PSMA1: variants seen among roughly 807,000 people sequenced by gnomAD.
PSMA1 encodes proteasome subunit alpha type-1.
In PSMA1, 3 loss-of-function variants were observed where a neutral mutation model predicts 38.4. That is an observed-to-expected ratio of 0.08 (90% CI 0.04 to 0.20). The LOEUF (loss-of-function observed/expected upper bound fraction) is 0.20, where lower values mean the gene tolerates loss of function less well. Ranked by LOEUF, PSMA1 falls within the 10% of genes least tolerant of loss-of-function variation. PSMA1 has a pLI of 1.00. For missense variants in PSMA1, 227 were observed against 325.3 expected, an observed-to-expected ratio of 0.70 and a Z score of 2.32; for synonymous variants, 101 against 107.1, an observed-to-expected ratio of 0.94 and a Z score of 0.35.
intron 1 of PSMA1, among the ~76,000 whole-genome samples, chr11:14,618,340 C>T (rs1852801346): frequency 6.6e-6 from 1 of 152,212 alleles, no homozygotes; most frequent in Admixed American, 6.5e-5. Context: ...GTTTGAACCA[C>T]AGTAGCCTGT....
chr11:14,604,911 A>T (rs763504336), intron 2 of PSMA1, among the ~76,000 whole-genome samples: 1 of 152,202 alleles, frequency 6.6e-6, no homozygotes, highest in Non-Finnish European at 1.5e-5. Flanking sequence ...GTAGTATTCC[A>T]TGGGTTATTA....
chr11:14,613,362 AT>A (rs1324295664), intron 1 of PSMA1, among the ~76,000 whole-genome samples: 6 of 148,002 alleles, frequency 4.1e-5, no homozygotes, highest in African/African-American at 1.5e-4. Flanking sequence ...AGTGATTCTC[AT>A]GTCTCAGATT....
intron 2 of PSMA1, among the ~76,000 whole-genome samples, chr11:14,580,652 G>A (rs148796461): frequency 6.6e-6 from 1 of 152,266 alleles, no homozygotes; most frequent in East Asian, 1.9e-4. Context: ...AAAATGAAAG[G>A]ATCAGATCAT....
intron 1 of PSMA1, among the ~76,000 whole-genome samples, chr11:14,615,806 T>G (rs1483174607): frequency 6.6e-6 from 1 of 152,206 alleles, no homozygotes; most frequent in Non-Finnish European, 1.5e-5. Context: ...CCTGTTTGTT[T>G]CCCTCATTGA....
At chr11:14,627,185 T>G (rs1852921922) in intron 1 of PSMA1, among the ~76,000 whole-genome samples, 1 of 152,204 alleles carries the variant, frequency 6.6e-6, no homozygotes, top group Non-Finnish European at 1.5e-5. Context: ...ACAGACACAC[T>G]GGGGTTAGGG....
chr11:14,561,094 A>C (rs1420246073), intron 2 of PSMA1, among the ~76,000 whole-genome samples: 3 of 152,232 alleles, frequency 2.0e-5, no homozygotes, highest in Non-Finnish European at 4.4e-5. Flanking sequence ...TGCTTAGAAA[A>C]GGAGAAACTA....
upstream of PSMA1, among the ~76,000 whole-genome samples, chr11:14,522,460 A>G (rs1447215680): frequency 6.6e-6 from 1 of 152,230 alleles, no homozygotes. Context: ...TTGCAAAAAA[A>G]GTTATATCCA....
chr11:14,530,341 C>CT (rs999614161), intron 2 of PSMA1, among the ~76,000 whole-genome samples: 1 of 152,144 alleles, frequency 6.6e-6, no homozygotes, highest in Admixed American at 6.5e-5. Context: ...CTCCTGCCAC[C>CT]TTTTTTGGGC....
intron 2 of PSMA1, among the ~76,000 whole-genome samples, chr11:14,582,766 A>G (rs1406570024): frequency 6.6e-6 from 1 of 151,874 alleles, no homozygotes; most frequent in Non-Finnish European, 1.5e-5. Context: ...CCTGACCTCA[A>G]GTGATCCACC....
At chr11:14,528,254 C>T (rs1851608734) in intron 2 of PSMA1, among the ~76,000 whole-genome samples, 2 of 152,138 alleles carry the variant, frequency 1.3e-5, no homozygotes, top group African/African-American at 4.8e-5. Context: ...GTTGAACCCC[C>T]TTGGACACTC....
intron 1 of PSMA1, among the ~76,000 whole-genome samples, chr11:14,613,932 T>A (rs1305192271): frequency 6.6e-6 from 1 of 152,214 alleles, no homozygotes; most frequent in Non-Finnish European, 1.5e-5. Context: ...TTTATCACAC[T>A]CTGCTGCTTT....
In PSMA1 at chr11:14,629,604, T is replaced by C. The variant is rs1178161943; in HGVS notation, c.-166+13851A>G. Among the ~76,000 whole-genome samples, 3 of 152,248 alleles carry C rather than the reference T, an allele frequency of 2.0e-5. No homozygotes were observed. In the East Asian group the frequency reaches 5.8e-4, roughly 29 times the overall value. ...TATAGTTTGAAGTCAGGTAGTGTGA[T>C]GCCTCCAGCTTTGTTCTTTTGGCTT... On this transcript the variant is annotated intron_variant, in intron 1 of 10. Transcript: ENST00000418988.
At chr11:14,548,101 T>C (rs1231201140) in intron 2 of PSMA1, among the ~76,000 whole-genome samples, 1 of 152,206 alleles carries the variant, frequency 6.6e-6, no homozygotes, top group South Asian at 2.1e-4. Flanking sequence ...GATGTTTATA[T>C]AGCTCTTATG....
chr11:14,585,937 G>C (rs1852340626), intron 2 of PSMA1, among the ~76,000 whole-genome samples: 1 of 152,114 alleles, frequency 6.6e-6, no homozygotes, highest in Non-Finnish European at 1.5e-5. Context: ...TTTCAGGCAT[G>C]GGATTTCTCT....
chr11:14,615,599 G>C (rs776380895), intron 1 of PSMA1, among the ~76,000 whole-genome samples: 1 of 152,158 alleles, frequency 6.6e-6, no homozygotes, highest in Non-Finnish European at 1.5e-5. Context: ...CCTAGGTGTA[G>C]GAGCAATTTT....
intron 2 of PSMA1, among the ~76,000 whole-genome samples, chr11:14,609,126 T>C (rs914625466): frequency 2.0e-5 from 3 of 152,310 alleles, no homozygotes; most frequent in Non-Finnish European, 4.4e-5. Context: ...TAGAACATAC[T>C]GAATTATAAG....
At chr11:14,518,392 C>G (rs956305428) in intron 2 of PSMA1, among the ~76,000 whole-genome samples, 1 of 152,124 alleles carries the variant, frequency 6.6e-6, no homozygotes, top group Non-Finnish European at 1.5e-5. Flanking sequence ...AGCCACTGCA[C>G]CCGGCTGAAA....
chr11:14,514,609 GA>G (rs1851397178), intron 4 of PSMA1, 118 bp from the exon 5 acceptor site: 1 of 769,416 alleles, frequency 1.3e-6, no homozygotes, highest in African/African-American at 1.8e-5. Context: ...ATCCATATAA[GA>G]AAAACAGAAG....
intron 2 of PSMA1, among the ~76,000 whole-genome samples, chr11:14,556,399 G>A (rs901532214): frequency 1.2e-4 from 18 of 151,860 alleles, no homozygotes; most frequent in African/African-American, 3.4e-4. Context: ...TATTTCCTAC[G>A]GGACATGAAA....
Sources: gnomAD v4.1 joint callset for allele counts (sites outside exome capture counted in the v4.1 genomes callset) on GRCh38, gnomAD v4.1.1 for gene constraint, MANE v1.5 for transcripts, NCBI Gene and HGNC (gene_info 2026-07-23, HGNC 2026-07-21) for gene names.